UBE2H: variants seen among roughly 807,000 people sequenced by gnomAD.
The protein encoded by UBE2H is ubiquitin-conjugating enzyme E2 H.
UBE2H carries 3 observed loss-of-function variants against 29.0 expected under a neutral mutation model. The observed-to-expected ratio is 0.10, with a 90% CI of 0.05 to 0.27. The LOEUF is 0.27. Among genes scored for constraint, UBE2H ranks in the 10% least tolerant of loss-of-function variants. UBE2H has a pLI of 1.00. For synonymous variants in UBE2H, 69 were observed against 82.9 expected, an observed-to-expected ratio of 0.83 and a Z score of 0.91; for missense variants, 68 against 228.2, an observed-to-expected ratio of 0.30 and a Z score of 4.52.
At chr7:129,846,506 T>C (rs1036511026) in intron 5 of UBE2H, among the ~76,000 whole-genome samples, 3 of 151,888 alleles carry the variant, frequency 2.0e-5, no homozygotes, top group Non-Finnish European at 2.9e-5. Context: ...GGCTGCAGTA[T>C]GTTGTGATGC....
chr7:129,841,948 T>C (rs1430510517), intron 5 of UBE2H, among the ~76,000 whole-genome samples: 1 of 152,230 alleles, frequency 6.6e-6, no homozygotes, highest in South Asian at 2.1e-4. Flanking sequence ...ACAAAACCAT[T>C]GAAAACTATT....
chr7:129,868,935 CTT>C (rs34258788), intron 3 of UBE2H, among the ~76,000 whole-genome samples: 14 of 119,822 alleles, frequency 1.2e-4, no homozygotes, highest in East Asian at 2.3e-4. Flanking sequence ...CTCTCTCTCT[CTT>C]TTTTTTTTTT....
chr7:129,946,301 T>C (rs1436777509), intron 1 of UBE2H, among the ~76,000 whole-genome samples: 6 of 151,902 alleles, frequency 3.9e-5, no homozygotes, highest in African/African-American at 1.5e-4. Flanking sequence ...CCTCATGATT[T>C]GTCTGCCTCA....
At chr7:129,915,329 G>A (rs1584783611) in intron 1 of UBE2H, among the ~76,000 whole-genome samples, 4 of 152,250 alleles carry the variant, frequency 2.6e-5, no homozygotes, top group African/African-American at 9.6e-5. Context: ...GAGGTCAGGA[G>A]ATCGAGACCA....
intron 3 of UBE2H, among the ~76,000 whole-genome samples, chr7:129,872,555 A>G (rs1252818369): frequency 2.0e-5 from 3 of 152,140 alleles, no homozygotes; most frequent in African/African-American, 7.2e-5. Context: ...ATATATATAT[A>G]TATTGGCTGG....
chr7:129,888,818 A>G (rs76606487), intron 1 of UBE2H, among the ~76,000 whole-genome samples: 9,421 of 152,272 alleles, frequency 0.062, 366 homozygotes, highest in Non-Finnish European at 0.092. Flanking sequence ...AGAAGTTTGA[A>G]GTCTAGCAAG....
At chr7:129,862,885 A>T (rs1805828293) in intron 3 of UBE2H, among the ~76,000 whole-genome samples, 1 of 152,190 alleles carries the variant, frequency 6.6e-6, no homozygotes, top group South Asian at 2.1e-4. Context: ...TTGTGTCCTA[A>T]AATAGGCTAG....
intron 1 of UBE2H, among the ~76,000 whole-genome samples, chr7:129,918,214 C>T (rs1431846973): frequency 6.6e-6 from 1 of 152,116 alleles, no homozygotes; most frequent in Non-Finnish European, 1.5e-5. Context: ...TACATGCACG[C>T]ACATACAGTT....
intron 1 of UBE2H, among the ~76,000 whole-genome samples, chr7:129,881,716 T>G (rs995731581): frequency 6.6e-6 from 1 of 152,084 alleles, no homozygotes; most frequent in African/African-American, 2.4e-5. Flanking sequence ...CTTTCTACCC[T>G]CTCCTCCTCA....
chr7:129,899,113 T>C (rs1267857978), intron 1 of UBE2H, among the ~76,000 whole-genome samples: 2 of 152,228 alleles, frequency 1.3e-5, no homozygotes, highest in Non-Finnish European at 2.9e-5. Flanking sequence ...CGTAATTTCA[T>C]ATCCATTAGT....
At chr7:129,948,653 A>C (rs1322116489) in intron 1 of UBE2H, among the ~76,000 whole-genome samples, 1 of 152,130 alleles carries the variant, frequency 6.6e-6, no homozygotes, top group Admixed American at 6.5e-5. Flanking sequence ...GGTCTCTACA[A>C]AAAATGTAAA....
intron 5 of UBE2H, among the ~76,000 whole-genome samples, chr7:129,849,516 T>C (rs1805571093): frequency 6.6e-6 from 1 of 152,122 alleles, no homozygotes; most frequent in Non-Finnish European, 1.5e-5. Flanking sequence ...AGGCAGAGGT[T>C]GCAGTGAGCC....
At chr7:129,942,047 G>A (rs890158983) in intron 1 of UBE2H, among the ~76,000 whole-genome samples, 12 of 151,432 alleles carry the variant, frequency 7.9e-5, no homozygotes, top group South Asian at 2.1e-4. Flanking sequence ...CTGTTTCTAC[G>A]AAAAATACAA....
intron 6 of UBE2H, among the ~76,000 whole-genome samples, chr7:129,836,667 G>A (rs768547633): frequency 6.6e-5 from 10 of 152,174 alleles, no homozygotes; most frequent in Non-Finnish European, 1.5e-4. Context: ...ATCACCTGAG[G>A]TTAGGACTTC....
intron 5 of UBE2H, among the ~76,000 whole-genome samples, chr7:129,843,790 A>T (rs1563019545): frequency 6.6e-6 from 1 of 152,210 alleles, no homozygotes; most frequent in South Asian, 2.1e-4. Flanking sequence ...AGCGAACGGA[A>T]GGCTCCTCCT....
In UBE2H at chr7:129,834,233, CAGAAAACACTTCCCCAAG is replaced by C. The variant is rs1386311538; in HGVS notation, c.*686_*703del. 3 of 152,202 alleles carry C rather than the reference CAGAAAACACTTCCCCAAG, an allele frequency of 2.0e-5. No individual in the cohort carries two copies. The highest frequency in any genetic ancestry group is 4.4e-5 in the Non-Finnish European group (3 of 68,034). 9.4% of individuals were successfully genotyped at this position (152,202 alleles called of 1,614,324 possible). On this transcript the variant is annotated 3_prime_UTR_variant, in exon 7 of 7. Transcript: ENST00000355621. ...TCTACCCCAAGAAAAAGAACTGGTT[CAGAAAACACTTCCCCAAG>C]TTTCTCCAACAGAACACTGTGGCTG...
intron 1 of UBE2H, among the ~76,000 whole-genome samples, chr7:129,950,834 C>G (rs1226587275): frequency 6.6e-6 from 1 of 152,138 alleles, no homozygotes; most frequent in African/African-American, 2.4e-5. Flanking sequence ...TTATGAAAAG[C>G]CAACATTACT....
intron 3 of UBE2H, among the ~76,000 whole-genome samples, chr7:129,871,133 T>C (rs1806021360): frequency 6.6e-6 from 1 of 152,166 alleles, no homozygotes. Flanking sequence ...CAAAAGAACA[T>C]AAAGTATTAA....
At chr7:129,879,697 ATC>A (rs1055390737) in intron 2 of UBE2H, 55 bp from the exon 3 acceptor site, 4 of 1,490,250 alleles carry the variant, frequency 2.7e-6, no homozygotes, top group Non-Finnish European at 3.7e-6. Context: ...TAGAAAATAA[ATC>A]TGAGTGTAAA....
Sources: allele counts gnomAD v4.1 joint callset (sites outside exome capture counted in the v4.1 genomes callset), GRCh38; gene constraint gnomAD v4.1.1; transcripts MANE v1.5; gene names NCBI Gene and HGNC (gene_info 2026-07-23, HGNC 2026-07-21).